PRKN: variants seen among roughly 807,000 people sequenced by gnomAD.
The protein encoded by PRKN is E3 ubiquitin-protein ligase parkin.
PRKN carries 56 observed loss-of-function variants against 59.5 expected under a neutral mutation model. That is an observed-to-expected ratio of 0.94 (90% CI 0.76 to 1.18). The LOEUF (loss-of-function observed/expected upper bound fraction) is 1.18, where lower values mean the gene tolerates loss of function less well. Among genes scored for constraint, PRKN ranks in the 50% most tolerant of loss-of-function variants. The pLI, the probability that PRKN is intolerant of heterozygous loss-of-function variation, is 0.00. For synonymous variants in PRKN, 250 were observed against 222.1 expected, an observed-to-expected ratio of 1.13 and a Z score of -1.12; for missense variants, 657 against 596.4, an observed-to-expected ratio of 1.10 and a Z score of -1.06.
intron 2 of PRKN, among the ~76,000 whole-genome samples, chr6:162,342,070 G>C (rs543179540): frequency 2.2e-4 from 34 of 152,142 alleles, no homozygotes; most frequent in African/African-American, 7.9e-4. Context: ...TCTTCCATCG[G>C]TATACATATT....
chr6:162,338,665 G>T (rs1398973301), intron 2 of PRKN, among the ~76,000 whole-genome samples: 3 of 152,034 alleles, frequency 2.0e-5, no homozygotes, highest in Admixed American at 2.0e-4. Context: ...GCCTCTGCCC[G>T]GCCGCCACCC....
At chr6:162,273,963 G>A (rs1047706592) in intron 2 of PRKN, among the ~76,000 whole-genome samples, 3 of 151,898 alleles carry the variant, frequency 2.0e-5, no homozygotes, top group African/African-American at 4.8e-5. Context: ...GTATCTCTAC[G>A]AAGGAGGAAT....
intron 7 of PRKN, among the ~76,000 whole-genome samples, chr6:161,637,535 C>T (rs772853586): frequency 3.3e-5 from 5 of 152,124 alleles, no homozygotes; most frequent in African/African-American, 9.7e-5. Context: ...GCTTACTGCT[C>T]CCTTGGAGGC....
chr6:161,659,811 G>T lies in PRKN; in HGVS notation c.872-90395C>A, dbSNP rs190761629. On this transcript the variant is annotated intron_variant, in intron 7 of 11. Coordinates refer to ENST00000366898, the MANE Select transcript of PRKN (RefSeq NM_004562.3). The stretch of plus-strand genomic sequence containing the variant: ...CCCCTGGGTATCTGCAGAAGGAGGC[G>T]GTGACTCAGGACTGCTTACTATCCA... 3.3e-5 allele frequency among the ~76,000 whole-genome samples: 5 copies of T among 152,192 alleles called. No individual in the cohort carries two copies. In the East Asian group the frequency reaches 9.7e-4, roughly 29 times the overall value.
At chr6:161,743,161 G>A (rs981034060) in intron 7 of PRKN, among the ~76,000 whole-genome samples, 4 of 142,710 alleles carry the variant, frequency 2.8e-5, no homozygotes, top group African/African-American at 5.1e-5. Flanking sequence ...TCTTCCTGCT[G>A]TTCTGCCCTG....
chr6:162,313,812 T>A (rs1782634633), intron 2 of PRKN, among the ~76,000 whole-genome samples: 1 of 152,142 alleles, frequency 6.6e-6, no homozygotes, highest in Non-Finnish European at 1.5e-5. Context: ...TGTTTATCCA[T>A]TCACACATCA....
At chr6:161,691,425 A>G (rs1785789188) in intron 7 of PRKN, among the ~76,000 whole-genome samples, 2 of 152,204 alleles carry the variant, frequency 1.3e-5, no homozygotes, top group Non-Finnish European at 2.9e-5. Context: ...CTTTTTCTAA[A>G]ATTGGGGATC....
chr6:161,616,265 C>T (rs112549918), intron 7 of PRKN, among the ~76,000 whole-genome samples: 1,726 of 152,022 alleles, frequency 0.011, 34 homozygotes, highest in African/African-American at 0.026. Context: ...AACAGGTTTG[C>T]CTCCTGCTCT....
At chr6:162,211,129 C>T (rs1044710877) in intron 3 of PRKN, among the ~76,000 whole-genome samples, 4 of 152,130 alleles carry the variant, frequency 2.6e-5, no homozygotes, top group Admixed American at 6.5e-5. Context: ...TTGAGTCAGA[C>T]GGTGGACTTT....
At chr6:162,411,476 A>G (rs1031275195) in intron 2 of PRKN, among the ~76,000 whole-genome samples, 2 of 152,174 alleles carry the variant, frequency 1.3e-5, no homozygotes, top group African/African-American at 4.8e-5. Flanking sequence ...CCCAAGGAGG[A>G]CTGTAATACT....
At position 162,408,829 on chromosome 6, in the gene PRKN, T is replaced by C. The variant is rs146081160; in HGVS notation, c.171+34481A>G. The stretch of plus-strand genomic sequence containing the variant: ...ATATTCTTACTCTAAGCATCTCTCA[T>C]TTTTATTCTAGTTGATTCTCATTCT... On this transcript the variant is annotated intron_variant, in intron 2 of 11. Coordinates refer to ENST00000366898, the MANE Select transcript of PRKN (RefSeq NM_004562.3). Among the ~76,000 whole-genome samples, 264 of 152,300 alleles carry C rather than the reference T, an allele frequency of 1.7e-3. 2 individuals are homozygous for C. The highest frequency in any genetic ancestry group is 1.9e-3 in the Non-Finnish European group (126 of 68,018).
intron 4 of PRKN, among the ~76,000 whole-genome samples, chr6:162,076,405 A>G (rs1318020322): frequency 6.6e-6 from 1 of 152,170 alleles, no homozygotes. Flanking sequence ...TTTAATACAC[A>G]TTGTATAGAT....
At chr6:162,113,133 G>T (rs1322779816) in intron 4 of PRKN, among the ~76,000 whole-genome samples, 1 of 152,208 alleles carries the variant, frequency 6.6e-6, no homozygotes, top group Non-Finnish European at 1.5e-5. Context: ...AGGATGAGAA[G>T]AAGCTGTGCC....
At chr6:162,016,146 A>AACT in intron 5 of PRKN, among the ~76,000 whole-genome samples, 1 of 73,710 alleles carries the variant, frequency 1.4e-5, no homozygotes, top group African/African-American at 6.3e-5. Flanking sequence ...CTTGTTTAAA[A>AACT]TAATAATAAA....
intron 1 of PRKN, among the ~76,000 whole-genome samples, chr6:162,619,710 TCACA>T (rs56144864): frequency 1.0e-3 from 154 of 150,158 alleles, no homozygotes; most frequent in Non-Finnish European, 1.6e-3. Context: ...CTTTTTCCAC[TCACA>T]CACACACACA....
intron 2 of PRKN, among the ~76,000 whole-genome samples, chr6:162,360,581 T>C (rs1213000160): frequency 1.3e-5 from 2 of 152,194 alleles, no homozygotes; most frequent in African/African-American, 4.8e-5. Flanking sequence ...AAGTCATTTG[T>C]TCTTTAAAAA....
intron 2 of PRKN, among the ~76,000 whole-genome samples, chr6:162,330,679 C>T (rs1026913294): frequency 4.6e-5 from 7 of 152,208 alleles, no homozygotes; most frequent in African/African-American, 1.7e-4. Context: ...AGATTTCCTT[C>T]TACTTCAACT....
At chr6:162,322,209 A>AAACATATAAAATACGCAAAAATAAATTT (rs1783056855) in intron 2 of PRKN, among the ~76,000 whole-genome samples, 1 of 43,426 alleles carries the variant, frequency 2.3e-5, no homozygotes, top group Non-Finnish European at 6.8e-5. Context: ...ACAATAGATC[A>AAACATATAAAATACGCAAAAATAAATTT]ACATATAAAA....
chr6:162,456,630 A>G (rs1790886484), intron 1 of PRKN, among the ~76,000 whole-genome samples: 1 of 152,184 alleles, frequency 6.6e-6, no homozygotes, highest in Non-Finnish European at 1.5e-5. Flanking sequence ...CACCACGAAC[A>G]GTAAACTGCT....
Sources: allele counts gnomAD v4.1 joint callset (sites outside exome capture counted in the v4.1 genomes callset), GRCh38; gene constraint gnomAD v4.1.1; transcripts MANE v1.5; gene names NCBI Gene and HGNC (gene_info 2026-07-23, HGNC 2026-07-21).